Variants in KIF7 observed in about 807,000 individuals in gnomAD.
KIF7 encodes kinesin-like protein KIF7.
KIF7 carries 104 observed loss-of-function variants against 135.7 expected under a neutral mutation model. That is an observed-to-expected ratio of 0.77 (90% confidence interval 0.65 to 0.90). KIF7 has a LOEUF of 0.90. KIF7 is among the 40% of genes least tolerant of loss of function. The pLI is 0.00. For missense variants in KIF7, 2,005 were observed against 1,839.1 expected (o/e 1.09, Z -1.65); for synonymous variants, 883 against 809.4 (o/e 1.09, Z -1.54).
In KIF7 at chr15:89,645,130, G is replaced by T. The variant is rs565633539; in HGVS notation, c.2074C>A (p.Gln692Lys). 1.9e-6 allele frequency: 3 copies of T among 1,604,950 alleles called. No individual in the cohort carries two copies. In the East Asian group the frequency reaches 6.7e-5, roughly 36 times the overall value. ...GGSKARVQAR[Q>K]VPPATASEWR... is the part of the protein sequence containing the mutation. ...TCTGAGGCTGTGGCAGGGGGGACCTGGCGGGCCTGAACTCGGGCCTTGCTC... is the reference window on the plus strand; with the variant it reads ...TCTGAGGCTGTGGCAGGGGGGACCTTGCGGGCCTGAACTCGGGCCTTGCTC... The change falls in exon 10 of 19, where the codon CAG becomes AAG. Residue 692 changes from glutamine (Q) to lysine (K), a missense_variant. Transcript: ENST00000394412.
At chr15:89,641,038 G>A (rs994126097) in intron 11 of KIF7, among the ~76,000 whole-genome samples, 3 of 152,020 alleles carry the variant, frequency 2.0e-5, no homozygotes, top group South Asian at 2.1e-4. Context: ...GATGGAGACC[G>A]TGATGGGCTG....
At chr15:89,660,305 G>C (rs184936122), upstream of KIF7, among the ~76,000 whole-genome samples, 90 of 152,278 alleles carry the variant, frequency 5.9e-4, no homozygotes, top group Non-Finnish European at 1.1e-3. Context: ...CTCCATTTAG[G>C]ACTTCTGATT....
chr15:89,638,402 T>C (rs1305057729), intron 11 of KIF7, among the ~76,000 whole-genome samples: 73 of 148,968 alleles, frequency 4.9e-4, no homozygotes, highest in African/African-American at 1.3e-3. Flanking sequence ...GAAAACCCCA[T>C]TGTCTCAGCC....
chr15:89,636,366 TAA>T (rs1963808116), intron 11 of KIF7, among the ~76,000 whole-genome samples: 1 of 139,400 alleles, frequency 7.2e-6, no homozygotes, highest in Non-Finnish European at 1.5e-5. Context: ...ATGCTCCAAT[TAA>T]AAGACACAGA....
intron 2 of KIF7, among the ~76,000 whole-genome samples, chr15:89,617,633 C>T (rs1282698635): frequency 6.7e-6 from 1 of 148,266 alleles, no homozygotes; most frequent in Non-Finnish European, 1.5e-5. Flanking sequence ...AGTGATTCTC[C>T]TACCTCAGCC....
At chr15:89,634,796 T>G (rs1012801040) in intron 11 of KIF7, among the ~76,000 whole-genome samples, 1 of 152,078 alleles carries the variant, frequency 6.6e-6, no homozygotes, top group African/African-American at 2.4e-5. Context: ...ACAAAGCAGC[T>G]GGGAAGCTCG....
chr15:89,624,461 G>C (rs144917314), downstream of KIF7: 6 of 1,614,140 alleles, frequency 3.7e-6, no homozygotes, highest in Non-Finnish European at 5.1e-6. Flanking sequence ...GTTGGGAAAC[G>C]GTGTAGAAAG....
chr15:89,631,375 A>AACTTG, intron 15 of KIF7, 120 bp downstream of exon 15: 1 of 889,390 alleles, frequency 1.1e-6, no homozygotes, highest in Admixed American at 2.5e-5. Flanking sequence ...TAACAGTGAA[A>AACTTG]ACTTGGGTCT....
intron 8 of KIF7, 22 bp downstream of exon 8, chr15:89,645,870 TG>T (rs1483241285): frequency 5.6e-6 from 9 of 1,611,036 alleles, no homozygotes; most frequent in Non-Finnish European, 3.4e-6. Flanking sequence ...CCTTGTCAGG[TG>T]GGGGCAGTGG....
intron 11 of KIF7, among the ~76,000 whole-genome samples, chr15:89,641,796 G>A (rs1963924157): frequency 6.6e-6 from 1 of 152,144 alleles, no homozygotes; most frequent in Non-Finnish European, 1.5e-5. Flanking sequence ...GTGAGACTCT[G>A]TCTCAAAGAA....
chr15:89,645,224 G>A lies in KIF7; in HGVS notation c.2039-59C>T. 4 of 1,604,808 alleles carry A rather than the reference G, an allele frequency of 2.5e-6. No homozygotes were observed. In the Admixed American group the frequency reaches 5.0e-5, roughly 20 times the overall value. On this transcript the variant is annotated intron_variant, in intron 9 of 18. Transcript: ENST00000394412. ...AACTGACAGTGGGGGAGACAGAGGAGTGGAGAGCAGGGGCTGCCAGGGATG... is the reference window on the plus strand; with the variant it reads ...AACTGACAGTGGGGGAGACAGAGGAATGGAGAGCAGGGGCTGCCAGGGATG...
downstream of KIF7, among the ~76,000 whole-genome samples, chr15:89,626,647 C>T (rs1019217148): frequency 6.6e-6 from 1 of 152,114 alleles, no homozygotes; most frequent in Admixed American, 6.5e-5. Context: ...TGATATAAAT[C>T]ATGCAAAACA....
chr15:89,660,798 A>G, the KIF7 span, among the ~76,000 whole-genome samples: 1 of 152,172 alleles, frequency 6.6e-6, no homozygotes, highest in African/African-American at 2.4e-5. Context: ...TGGCCAATGG[A>G]ATGTAAGTAC....
intron 10 of KIF7, among the ~76,000 whole-genome samples, chr15:89,643,853 C>G (rs1003402751): frequency 6.9e-6 from 1 of 143,936 alleles, no homozygotes; most frequent in African/African-American, 2.6e-5. Flanking sequence ...CCACTGCACT[C>G]CAGCTTGGCA....
chr15:89,662,234 C>T, the KIF7 span, among the ~76,000 whole-genome samples: 6 of 152,084 alleles, frequency 3.9e-5, no homozygotes, highest in Non-Finnish European at 7.4e-5. Context: ...TGGTGGTTCA[C>T]ACCTGTAATC....
chr15:89,650,861 C>T (rs1964112532), intron 2 of KIF7, among the ~76,000 whole-genome samples: 1 of 152,054 alleles, frequency 6.6e-6, no homozygotes, highest in South Asian at 2.1e-4. Flanking sequence ...CATGTGTGAG[C>T]CCCTGCGCCT....
intron 16 of KIF7, chr15:89,630,010 A>G (rs1963637523): frequency 1.8e-6 from 1 of 549,944 alleles, no homozygotes; most frequent in Non-Finnish European, 3.3e-6. Flanking sequence ...AAATGTCACA[A>G]AAGGGCAAAA....
chr15:89,633,022 G>GGGAGGGAGGGAGGGAGGGAA, intron 13 of KIF7, 26 bp from the exon 14 acceptor site: 2 of 1,591,940 alleles, frequency 1.3e-6, no homozygotes, highest in Admixed American at 3.4e-5. Context: ...GAGGGAGGGA[G>GGGAGGGAGGGAGGGAGGGAA]GGAACTCAGG....
downstream of KIF7, among the ~76,000 whole-genome samples, chr15:89,626,439 C>T (rs545635714): frequency 1.1e-3 from 165 of 152,284 alleles, no homozygotes; most frequent in African/African-American, 3.9e-3. Flanking sequence ...TCTGTATATT[C>T]GGTGGGACAC....
Sources: allele counts gnomAD v4.1 joint callset (sites outside exome capture counted in the v4.1 genomes callset), GRCh38; gene constraint gnomAD v4.1.1; transcripts MANE v1.5; gene names NCBI Gene and HGNC (gene_info 2026-07-23, HGNC 2026-07-21).